PBK: variants seen among roughly 807,000 people sequenced by gnomAD.
The protein encoded by PBK is PDZ binding kinase.
Under a neutral mutation model 33.5 loss-of-function variants are expected in PBK, and 22 were observed. The ratio of observed to expected loss-of-function variants is 0.66; its 90% CI spans 0.47 to 0.94. PBK has a LOEUF of 0.94. PBK is among the 40% of genes least tolerant of loss of function. The pLI, the probability that PBK is intolerant of heterozygous loss-of-function variation, is 0.00. For missense variants in PBK, 376 were observed against 383.4 expected, an observed-to-expected ratio of 0.98 and a Z score of 0.16; for synonymous variants, 129 against 123.8, an observed-to-expected ratio of 1.04 and a Z score of -0.28.
chr8:27,834,849 T>C (rs1417723375), intron 1 of PBK, among the ~76,000 whole-genome samples: 3 of 151,310 alleles, frequency 2.0e-5, no homozygotes, highest in African/African-American at 7.3e-5. Flanking sequence ...TGAGCAGAGA[T>C]CGTGCCACTG....
chr8:27,816,343 C>CATATATA (rs1554559819), intron 6 of PBK, among the ~76,000 whole-genome samples: 2 of 136,364 alleles, frequency 1.5e-5, no homozygotes, highest in African/African-American at 5.8e-5. Context: ...TCATCGAATA[C>CATATATA]TATATATATA....
In PBK at chr8:27,811,142, A is replaced by G; in HGVS notation, c.596-8T>C. ...AAGCCTCAGGGTCAGTCACTGAAACAAGCAAGATGGTTATGAAGGCAGGAG... is the reference window on the plus strand; with the variant it reads ...AAGCCTCAGGGTCAGTCACTGAAACGAGCAAGATGGTTATGAAGGCAGGAG... On this transcript the variant is annotated splice_region_variant and splice_polypyrimidine_tract_variant and intron_variant, in intron 6 of 7. Transcript: ENST00000301905. The G allele has an allele frequency of 6.2e-7, 1 of 1,613,634 alleles. No individual in the cohort carries two copies.
In PBK at chr8:27,822,319, C is replaced by T; in HGVS notation, c.465G>A (p.Lys155=). Residue 155 remains lysine (K), a splice_region_variant and synonymous_variant, in exon 5 of 8, where the codon AAG becomes AAA. Transcript: ENST00000301905. ...ATTTAAAATATAATGACATAGTTACCTTTAACCCTCTTGCCATATTCAAAG... is the reference window on the plus strand; with the variant it reads ...ATTTAAAATATAATGACATAGTTACTTTTAACCCTCTTGCCATATTCAAAG... ...KVALNMARGL[K]YLHQEKKLLH... 1 of 1,597,136 alleles carries T rather than the reference C, an allele frequency of 6.3e-7. No homozygotes were observed. Among genetic ancestry groups the T allele is most frequent in the South Asian group, 1.1e-5 (1 of 89,052 alleles).
intron 6 of PBK, among the ~76,000 whole-genome samples, chr8:27,816,489 G>T (rs1425153029): frequency 6.6e-6 from 1 of 151,270 alleles, no homozygotes; most frequent in Non-Finnish European, 1.5e-5. Context: ...CCATTCCCCT[G>T]CCTCAGCCTC....
intron 6 of PBK, among the ~76,000 whole-genome samples, chr8:27,814,428 A>G (rs1805771476): frequency 6.6e-6 from 1 of 152,008 alleles, no homozygotes; most frequent in African/African-American, 2.4e-5. Context: ...TTTCTTGATC[A>G]GTCTAGATAA....
At chr8:27,814,599 G>GTCATTGT (rs1805775385) in intron 6 of PBK, among the ~76,000 whole-genome samples, 2 of 151,938 alleles carry the variant, frequency 1.3e-5, no homozygotes, top group Non-Finnish European at 2.9e-5. Context: ...ATGAACATAG[G>GTCATTGT]TCATTGATTT....
chr8:27,830,373 T>A (rs1302298029), intron 2 of PBK, among the ~76,000 whole-genome samples: 2 of 150,908 alleles, frequency 1.3e-5, no homozygotes, highest in Admixed American at 1.3e-4. Context: ...AAGAATAACA[T>A]CATCTTAGAG....
Position 27,810,303 on chromosome 8 carries a change from CA to C in PBK, c.*1del. The C allele has an allele frequency of 6.2e-7, 1 of 1,600,438 alleles. No homozygotes were observed. The highest frequency in any genetic ancestry group is 8.6e-7 in the Non-Finnish European group (1 of 1,168,344). On this transcript the variant is annotated 3_prime_UTR_variant, in exon 8 of 8. Transcript: ENST00000301905. ...CAAGCCACACTTCAGCTGAGATGAT[CA>C]CTAGACATCTGTTTCCAGAGCTTCA...
At chr8:27,814,221 T>C (rs28764780) in intron 6 of PBK, among the ~76,000 whole-genome samples, 111 of 152,308 alleles carry the variant, frequency 7.3e-4, no homozygotes, top group African/African-American at 2.6e-3. Flanking sequence ...TTAGTAGACA[T>C]AGGGCTATGT....
At chr8:27,818,627 T>C (rs1356602548) in intron 6 of PBK, among the ~76,000 whole-genome samples, 1 of 152,114 alleles carries the variant, frequency 6.6e-6, no homozygotes, top group African/African-American at 2.4e-5. Flanking sequence ...CTGTTTCTCA[T>C]TGATTACTAA....
At chr8:27,818,799 T>G (rs73570389) in intron 6 of PBK, among the ~76,000 whole-genome samples, 2 of 152,160 alleles carry the variant, frequency 1.3e-5, no homozygotes, top group Non-Finnish European at 2.9e-5. Context: ...CTTTGGTGTC[T>G]TCTTTAAAGT....
intron 2 of PBK, among the ~76,000 whole-genome samples, chr8:27,828,840 A>C (rs1806077167): frequency 1.3e-5 from 2 of 152,054 alleles, no homozygotes; most frequent in African/African-American, 4.8e-5. Context: ...AACTGCTCCT[A>C]GAGTTACCAT....
At position 27,825,264 on chromosome 8, in the gene PBK, A is replaced by AC. The variant is rs758309010; in HGVS notation, c.153-2060dup. On this transcript the variant is annotated intron_variant, in intron 3 of 7. Coordinates refer to ENST00000301905, the MANE Select transcript of PBK (RefSeq NM_018492.4). The stretch of plus-strand genomic sequence containing the variant: ...AGACCAGCCTGGGCAATATAGTGAG[A>AC]CCCCTTCTCTACAAAAAACTTTTAA... Among the ~76,000 whole-genome samples the AC allele has an allele frequency of 1.1e-3, 169 of 152,222 alleles. 5 individuals carry two copies. The highest frequency in any genetic ancestry group is 5.9e-4 in the Non-Finnish European group (40 of 67,992).
chr8:27,816,003 G>A (rs1805803430), intron 6 of PBK, among the ~76,000 whole-genome samples: 1 of 152,128 alleles, frequency 6.6e-6, no homozygotes, highest in Non-Finnish European at 1.5e-5. Context: ...AGTTTAAGCA[G>A]ACATGCTTTA....
At chr8:27,832,354 G>C (rs1408311682) in intron 2 of PBK, among the ~76,000 whole-genome samples, 1 of 152,082 alleles carries the variant, frequency 6.6e-6, no homozygotes, top group South Asian at 2.1e-4. Flanking sequence ...TGGGAACAAG[G>C]CAAGTATATC....
At chr8:27,820,883 G>A (rs1471333213) in intron 5 of PBK, among the ~76,000 whole-genome samples, 189 bp from the exon 6 acceptor site, 1 of 151,324 alleles carries the variant, frequency 6.6e-6, no homozygotes, top group African/African-American at 2.4e-5. Flanking sequence ...GCATGCAGTG[G>A]CACGATCTCG....
chr8:27,817,493 G>A (rs1563489840), intron 6 of PBK, among the ~76,000 whole-genome samples: 1 of 151,632 alleles, frequency 6.6e-6, no homozygotes, highest in African/African-American at 2.4e-5. Context: ...CTTTTATTAG[G>A]ATTATTAACT....
At chr8:27,823,277 T>A in intron 3 of PBK, 72 bp from the exon 4 acceptor site, 1 of 1,000,532 alleles carries the variant, frequency 1.0e-6, no homozygotes, top group Non-Finnish European at 1.5e-6. Context: ...GACTTCCAAA[T>A]TTTTGGGAAA....
chr8:27,818,397 C>T (rs147172428), intron 6 of PBK, among the ~76,000 whole-genome samples: 5 of 152,300 alleles, frequency 3.3e-5, no homozygotes, highest in African/African-American at 1.2e-4. Context: ...GAGGATATTT[C>T]AGTGGACAAG....
Sources: gnomAD v4.1 joint callset for allele counts (sites outside exome capture counted in the v4.1 genomes callset) on GRCh38, gnomAD v4.1.1 for gene constraint, MANE v1.5 for transcripts, NCBI Gene and HGNC (gene_info 2026-07-23, HGNC 2026-07-21) for gene names.